The following CDH4 variants were observed in gnomAD, a reference collection of about 807,000 sequenced individuals.
CDH4 encodes cadherin-4.
Under a neutral mutation model 86.0 loss-of-function variants are expected in CDH4, and 33 were observed. That is an observed-to-expected ratio of 0.38 (90% CI 0.29 to 0.51). The LOEUF (loss-of-function observed/expected upper bound fraction) is 0.51, where lower values mean the gene tolerates loss of function less well. CDH4 is among the 20% of genes least tolerant of loss of function. CDH4 has a pLI of 0.86. For synonymous variants in CDH4, 555 were observed against 549.4 expected (o/e 1.01, Z -0.14); for missense variants, 1,114 against 1,307.4 (o/e 0.85, Z 2.28).
rs561462716 is a variant in CDH4 at position 61,933,394 on chromosome 20, G to A, written c.2379+270G>A. On this transcript the variant is annotated intron_variant, in intron 14 of 15. Coordinates refer to ENST00000614565, the MANE Select transcript of CDH4 (RefSeq NM_001794.5). ...GCCCAGTGCTGCCCTGTGCCCTGGA[G>A]GGGAGGGGGCTCCGGGTTGGCCAAG... 1.4e-4 allele frequency among the ~76,000 whole-genome samples: 21 copies of A among 152,304 alleles called. No individual in the cohort carries two copies. The East Asian group carries it at 4.1e-3, about 29-fold the overall frequency.
intron 9 of CDH4, 139 bp downstream of exon 9, chr20:61,910,746 C>A: frequency 2.6e-6 from 2 of 764,978 alleles, no homozygotes; most frequent in Non-Finnish European, 4.2e-6. Flanking sequence ...GGTAACCCAA[C>A]CTGCTGGAGG....
chr20:61,762,972 TG>T (rs915718572), intron 3 of CDH4, among the ~76,000 whole-genome samples: 2 of 152,216 alleles, frequency 1.3e-5, no homozygotes, highest in African/African-American at 4.8e-5. Flanking sequence ...TTCCCATAGA[TG>T]CTTTTGTGGA....
intron 6 of CDH4, among the ~76,000 whole-genome samples, chr20:61,868,725 G>A (rs1983662880): frequency 6.6e-6 from 1 of 152,212 alleles, no homozygotes; most frequent in Admixed American, 6.5e-5. Context: ...CCCACACTGG[G>A]CAGGTGTCCT....
chr20:61,409,570 C>T (rs374462267), intron 2 of CDH4, among the ~76,000 whole-genome samples: 144 of 152,348 alleles, frequency 9.5e-4, no homozygotes, highest in African/African-American at 3.2e-3. Context: ...AGAGGTATCG[C>T]ACTGTGTGCA....
In CDH4 at chr20:61,811,878, G is replaced by T. The variant is rs1980455131; in HGVS notation, c.577-32790G>T. The stretch of plus-strand genomic sequence containing the variant: ...GTAGAGATGGGGTTTCACCATGTTG[G>T]CCAGGCTGGTCTCGAACTCCTGACC... On this transcript the variant is annotated intron_variant, in intron 4 of 15. Coordinates refer to ENST00000614565, the MANE Select transcript of CDH4 (RefSeq NM_001794.5). This position sits in a 1 kb window ranked among gnomAD's most constrained non-coding sequence, Gnocchi z 4.4. Among the ~76,000 whole-genome samples, 1 of 151,926 alleles carries T rather than the reference G, an allele frequency of 6.6e-6. No individual in the cohort carries two copies. The highest frequency in any genetic ancestry group is 2.4e-5 in the African/African-American group (1 of 41,324).
intron 5 of CDH4, among the ~76,000 whole-genome samples, chr20:61,846,927 G>A (rs536124333): frequency 6.6e-6 from 1 of 152,186 alleles, no homozygotes; most frequent in Non-Finnish European, 1.5e-5. Flanking sequence ...GCCTGTGGGT[G>A]CTGGCCGGGG....
At position 61,461,470 on chromosome 20, in the gene CDH4, G is replaced by A. The variant is rs73318380; in HGVS notation, c.169+206533G>A. On this transcript the variant is annotated intron_variant, in intron 2 of 15. Transcript: ENST00000614565. The stretch of plus-strand genomic sequence containing the variant: ...GGAAATTAAAAGTGACTCGGCTTCC[G>A]CTGGAAGGAAGAGACTGAGGGGGCC... Among the ~76,000 whole-genome samples the A allele has an allele frequency of 8.6e-3, 1,314 of 152,216 alleles. 21 individuals are homozygous for A. Among genetic ancestry groups the A allele is most frequent in the African/African-American group, 0.03 (1,250 of 41,554 alleles).
chr20:61,590,882 G>GA (rs1041486506), intron 2 of CDH4, among the ~76,000 whole-genome samples: 3 of 152,084 alleles, frequency 2.0e-5, no homozygotes, highest in Non-Finnish European at 4.4e-5. Flanking sequence ...TCTATGGGGG[G>GA]GGGGGTCCCC....
At position 61,844,648 on chromosome 20, in the gene CDH4, G is replaced by C. The variant is rs376832699; in HGVS notation, c.577-20G>C. Reference sequence around the variant, plus strand: ...CCTCACCACAGGATAACCTCTTCTCGCTTTGCTCCTGCCTTTCAGATCCGG... The same window carrying C: ...CCTCACCACAGGATAACCTCTTCTCCCTTTGCTCCTGCCTTTCAGATCCGG... On this transcript the variant is annotated intron_variant, in intron 4 of 15. Transcript: ENST00000614565. 6.2e-7 allele frequency: 1 copy of C among 1,600,084 alleles called. No homozygotes were observed. The highest frequency in any genetic ancestry group is 1.3e-5 in the African/African-American group (1 of 74,846).
chr20:61,496,935 TTTTG>T (rs1226503051), intron 2 of CDH4, among the ~76,000 whole-genome samples: 3 of 152,122 alleles, frequency 2.0e-5, no homozygotes, highest in Admixed American at 6.5e-5. Flanking sequence ...AGGTGTTTTT[TTTTG>T]TTTGTTTTGG....
intron 10 of CDH4, 86 bp from the exon 11 acceptor site, chr20:61,924,248 T>G (rs2055019758): frequency 1.5e-6 from 2 of 1,366,640 alleles, no homozygotes; most frequent in African/African-American, 1.4e-5. Flanking sequence ...GCCCAGGCCC[T>G]GGAGGTGTGG....
intron 2 of CDH4, among the ~76,000 whole-genome samples, chr20:61,508,220 T>C (rs1208130208): frequency 6.6e-6 from 1 of 152,256 alleles, no homozygotes; most frequent in Non-Finnish European, 1.5e-5. Flanking sequence ...TGCAAATGAT[T>C]CTATGTAGCA....
chr20:61,938,997 C>A lies in CDH4; in HGVS notation c.*2054C>A. 6.6e-6 allele frequency: 1 copy of A among 152,558 alleles called. No homozygotes were observed. Among genetic ancestry groups the A allele is most frequent in the Non-Finnish European group, 1.5e-5 (1 of 68,230 alleles). 9.5% of individuals were successfully genotyped at this position (152,558 alleles called of 1,614,324 possible). ...CAACAGAGGTCAAGGGGCAGCTGGC[C>A]AGGCCGCACCGGGGTCCCCGAGTTC... On this transcript the variant is annotated 3_prime_UTR_variant, in exon 16 of 16. Coordinates refer to ENST00000614565, the MANE Select transcript of CDH4 (RefSeq NM_001794.5).
chr20:61,373,174 C>T (rs1226993536), intron 2 of CDH4, among the ~76,000 whole-genome samples: 1 of 152,180 alleles, frequency 6.6e-6, no homozygotes, highest in Non-Finnish European at 1.5e-5. Flanking sequence ...ACACTCCCGC[C>T]CCCGTCTCAA....
chr20:61,742,660 G>C (rs1023615540), intron 2 of CDH4, among the ~76,000 whole-genome samples: 1 of 152,174 alleles, frequency 6.6e-6, no homozygotes, highest in African/African-American at 2.4e-5. Flanking sequence ...CGGGCTGTGG[G>C]TGCGTCGTAA....
At chr20:61,536,465 G>A (rs1355873674) in intron 2 of CDH4, among the ~76,000 whole-genome samples, 7 of 151,498 alleles carry the variant, frequency 4.6e-5, no homozygotes, top group Non-Finnish European at 7.4e-5. Context: ...GGGAGGGAGT[G>A]GGGCAGGGAG....
intron 9 of CDH4, among the ~76,000 whole-genome samples, chr20:61,921,620 C>T (rs1052355313): frequency 6.6e-6 from 1 of 152,034 alleles, no homozygotes; most frequent in Admixed American, 6.6e-5. Flanking sequence ...GGCATGGTGG[C>T]GGGCACCTGT....
At chr20:61,333,054 G>T (rs1333425883) in intron 2 of CDH4, among the ~76,000 whole-genome samples, 11 of 152,238 alleles carry the variant, frequency 7.2e-5, no homozygotes, top group Admixed American at 7.2e-4. Flanking sequence ...TGTAAAGGGT[G>T]GCGCTTTTTG....
chr20:61,855,198 A>G (rs1398964946), intron 6 of CDH4, among the ~76,000 whole-genome samples: 15 of 139,788 alleles, frequency 1.1e-4, no homozygotes, highest in African/African-American at 3.8e-4. Flanking sequence ...CCCTTGGCCC[A>G]CCCCCAGGGC....
Sources: gnomAD v4.1 joint callset for allele counts (sites outside exome capture counted in the v4.1 genomes callset) on GRCh38, gnomAD v4.1.1 for gene constraint, Gnocchi (gnomAD v3.1) non-coding constraint, MANE v1.5 for transcripts, NCBI Gene and HGNC (gene_info 2026-07-23, HGNC 2026-07-21) for gene names.